Variants in CCDC192 observed in about 807,000 individuals in gnomAD.
CCDC192 encodes the protein coiled-coil domain containing 192, also known as coiled-coil domain-containing protein 192.
At chr5:127,813,685 A>T (rs962121841) in intron 5 of CCDC192, among the ~76,000 whole-genome samples, 19 of 152,288 alleles carry the variant, frequency 1.2e-4, no homozygotes, top group African/African-American at 3.9e-4. Context: ...GACCATATTT[A>T]AAAAAATGAT....
At chr5:127,717,212 T>C (rs1007204316) in intron 2 of CCDC192, among the ~76,000 whole-genome samples, 2 of 152,192 alleles carry the variant, frequency 1.3e-5, no homozygotes, top group African/African-American at 4.8e-5. Context: ...GCAATGTTCA[T>C]ATATTCAATT....
chr5:127,849,907 T>C (rs1411851637), intron 5 of CCDC192, among the ~76,000 whole-genome samples: 4 of 152,200 alleles, frequency 2.6e-5, no homozygotes, highest in Admixed American at 2.6e-4. Flanking sequence ...ACAAGATCAA[T>C]TGCATTTATT....
intron 5 of CCDC192, among the ~76,000 whole-genome samples, chr5:127,816,761 C>G (rs929770339): frequency 1.3e-5 from 2 of 152,172 alleles, no homozygotes; most frequent in African/African-American, 4.8e-5. Context: ...GAGGCTTCTG[C>G]TTTGAGAAAG....
intron 2 of CCDC192, among the ~76,000 whole-genome samples, chr5:127,711,062 C>A (rs1050226207): frequency 6.6e-6 from 1 of 152,120 alleles, no homozygotes; most frequent in Non-Finnish European, 1.5e-5. Flanking sequence ...AATAAAAATT[C>A]TATTGCAAGA....
At chr5:127,880,838 G>T (rs1256020178) in intron 6 of CCDC192, among the ~76,000 whole-genome samples, 2 of 151,918 alleles carry the variant, frequency 1.3e-5, no homozygotes, top group Non-Finnish European at 2.9e-5. Flanking sequence ...AAACTAGCTG[G>T]ATATGGTGGT....
intron 6 of CCDC192, among the ~76,000 whole-genome samples, chr5:127,903,423 A>G (rs1412332859): frequency 6.6e-6 from 1 of 152,038 alleles, no homozygotes; most frequent in African/African-American, 2.4e-5. Flanking sequence ...TTGTATTTTT[A>G]GTAGAGACGG....
chr5:127,702,624 C>T (rs248725), upstream of CCDC192, among the ~76,000 whole-genome samples: 47,582 of 152,056 alleles, frequency 0.31, 8,297 homozygotes, highest in Middle Eastern at 0.42. Flanking sequence ...TCATGCCAGT[C>T]TAATTTATTT....
chr5:127,874,249 A>C (rs1751977541), intron 5 of CCDC192, among the ~76,000 whole-genome samples: 1 of 152,136 alleles, frequency 6.6e-6, no homozygotes, highest in African/African-American at 2.4e-5. Context: ...CCCCTTAAAG[A>C]AGTTCCATGA....
chr5:127,907,291 G>T (rs1222012216), intron 6 of CCDC192, among the ~76,000 whole-genome samples: 2 of 151,096 alleles, frequency 1.3e-5, no homozygotes, highest in African/African-American at 4.9e-5. Flanking sequence ...TTTATATAGG[G>T]GTATTTTTTT....
chr5:127,733,295 A>G (rs1375330445), intron 2 of CCDC192, among the ~76,000 whole-genome samples: 2 of 152,292 alleles, frequency 1.3e-5, no homozygotes, highest in African/African-American at 4.8e-5. Flanking sequence ...CATAAAACCT[A>G]CAGCTTGATG....
intron 3 of CCDC192, among the ~76,000 whole-genome samples, chr5:127,759,219 A>G (rs1754778736): frequency 6.6e-6 from 1 of 152,134 alleles, no homozygotes; most frequent in African/African-American, 2.4e-5. Flanking sequence ...ATTAAATGGG[A>G]TAGGTATCTG....
intron 6 of CCDC192, among the ~76,000 whole-genome samples, chr5:127,903,161 T>C (rs1395415267): frequency 6.6e-6 from 1 of 152,098 alleles, no homozygotes; most frequent in Admixed American, 6.5e-5. Context: ...GCAGGGTACA[T>C]GGTTAGTAAT....
chr5:127,929,113 T>C (rs1753947786), intron 6 of CCDC192, among the ~76,000 whole-genome samples: 1 of 152,224 alleles, frequency 6.6e-6, no homozygotes, highest in African/African-American at 2.4e-5. Context: ...TCAGAGAATA[T>C]GTTCTGAGAA....
chr5:127,889,299 G>A (rs1186349620), intron 6 of CCDC192, among the ~76,000 whole-genome samples: 5 of 152,052 alleles, frequency 3.3e-5, no homozygotes, highest in African/African-American at 1.2e-4. Flanking sequence ...TTTCCTTTTG[G>A]TTAATTTAAT....
At chr5:127,710,610 T>C (rs889112621) in intron 2 of CCDC192, among the ~76,000 whole-genome samples, 3 of 152,138 alleles carry the variant, frequency 2.0e-5, no homozygotes, top group African/African-American at 7.2e-5. Flanking sequence ...ATCGATATCA[T>C]TTGAAATAAA....
intron 3 of CCDC192, chr5:127,784,585 G>A (rs1271022669): frequency 5.6e-5 from 30 of 532,712 alleles, no homozygotes; most frequent in Middle Eastern, 5.7e-4. Context: ...ATTTGCTGTG[G>A]GACACACAGT....
At chr5:127,906,368 T>C (rs1229546933) in intron 6 of CCDC192, among the ~76,000 whole-genome samples, 1 of 152,250 alleles carries the variant, frequency 6.6e-6, no homozygotes, top group African/African-American at 2.4e-5. Flanking sequence ...TTTTAAAGAC[T>C]GAATAGTTTT....
chr5:127,918,955 A>C (rs530662436), intron 6 of CCDC192, among the ~76,000 whole-genome samples: 13,787 of 148,222 alleles, frequency 0.093, 2,065 homozygotes, highest in African/African-American at 0.32. Context: ...ATGTGTATAT[A>C]TGTGTGTGTC....
intron 5 of CCDC192, among the ~76,000 whole-genome samples, chr5:127,864,747 T>C (rs1339958895): frequency 1.3e-5 from 2 of 152,242 alleles, no homozygotes; most frequent in African/African-American, 4.8e-5. Context: ...AAGTGCTTCT[T>C]TTATTGGGTC....
Sources: allele counts gnomAD v4.1 joint callset (sites outside exome capture counted in the v4.1 genomes callset), GRCh38; gene constraint gnomAD v4.1.1; transcripts MANE v1.5; gene names NCBI Gene and HGNC (gene_info 2026-07-23, HGNC 2026-07-21).